The following KLHL8 variants were observed in gnomAD, a reference collection of about 807,000 sequenced individuals.
KLHL8 encodes the protein kelch-like protein 8.
A neutral mutation model predicts 63.5 loss-of-function variants in KLHL8; 38 were observed. The ratio of observed to expected loss-of-function variants is 0.60; its 90% CI spans 0.46 to 0.78. The LOEUF (loss-of-function observed/expected upper bound fraction) is 0.78. Among genes scored for constraint, KLHL8 ranks in the 30% least tolerant of loss-of-function variants. The pLI, the probability that KLHL8 is intolerant of heterozygous loss-of-function variation, is 0.00. For synonymous variants in KLHL8, 224 were observed against 254.3 expected, an observed-to-expected ratio of 0.88 and a Z score of 1.13; for missense variants, 566 against 752.4, an observed-to-expected ratio of 0.75 and a Z score of 2.90.
chr4:87,227,373 G>A (rs1229352528), intron 1 of KLHL8, among the ~76,000 whole-genome samples: 2 of 152,108 alleles, frequency 1.3e-5, no homozygotes, highest in East Asian at 1.9e-4. Context: ...GGGGCACCAC[G>A]GTTCATGCCT....
chr4:87,171,548 T>C (rs572957909), intron 6 of KLHL8, among the ~76,000 whole-genome samples: 209 of 152,346 alleles, frequency 1.4e-3, no homozygotes, highest in Non-Finnish European at 2.5e-3. Context: ...CCAAATACTG[T>C]GCTGATAAAA....
intron 1 of KLHL8, among the ~76,000 whole-genome samples, chr4:87,232,299 C>T (rs1370851320): frequency 1.3e-5 from 2 of 152,282 alleles, no homozygotes; most frequent in Non-Finnish European, 2.9e-5. Flanking sequence ...GTATCTTTCT[C>T]CAATCTGCTT....
At chr4:87,233,256 T>C (rs2110071747) in intron 1 of KLHL8, among the ~76,000 whole-genome samples, 1 of 152,288 alleles carries the variant, frequency 6.6e-6, no homozygotes, top group Non-Finnish European at 1.5e-5. Flanking sequence ...TTGCCCAGGC[T>C]GATCTCAAAC....
chr4:87,173,271 T>C (rs1730699905), intron 6 of KLHL8, among the ~76,000 whole-genome samples: 1 of 152,234 alleles, frequency 6.6e-6, no homozygotes, highest in African/African-American at 2.4e-5. Context: ...CTAATATTAT[T>C]GCCCTTATGT....
chr4:87,167,912 T>C (rs940133075), intron 8 of KLHL8, among the ~76,000 whole-genome samples: 2 of 152,356 alleles, frequency 1.3e-5, no homozygotes, highest in East Asian at 3.9e-4. Flanking sequence ...GGCAGCTTTA[T>C]ATAGCCACAC....
intron 7 of KLHL8, 63 bp from the exon 8 acceptor site, chr4:87,170,301 G>A: frequency 1.3e-6 from 2 of 1,518,226 alleles, no homozygotes; most frequent in Non-Finnish European, 8.9e-7. Context: ...TTGTTTTAAT[G>A]GTAAATTAGA....
At position 87,195,318 on chromosome 4, in the gene KLHL8, T is replaced by A. The variant is rs903201939; in HGVS notation, c.216+6A>T. On this transcript the variant is annotated splice_donor_region_variant and intron_variant, in intron 2 of 9. Coordinates refer to ENST00000273963, the MANE Select transcript of KLHL8 (RefSeq NM_020803.5). ...CCTGAGAAAAGTACAAAAAAGGCAA[T>A]CTCACCTTGAGTGTGACATCACAGA... 3.1e-6 allele frequency: 5 copies of A among 1,608,848 alleles called. No homozygotes were observed. In the South Asian group the frequency reaches 5.5e-5, roughly 18 times the overall value.
intron 1 of KLHL8, among the ~76,000 whole-genome samples, chr4:87,236,327 G>C (rs924779898): frequency 1.3e-5 from 2 of 151,424 alleles, no homozygotes; most frequent in Non-Finnish European, 2.9e-5. Context: ...TCCTGCCTCA[G>C]CCTCCTGAGT....
At chr4:87,164,919 G>C (rs191539735) in intron 8 of KLHL8, among the ~76,000 whole-genome samples, 2,718 of 151,894 alleles carry the variant, frequency 0.018, 73 homozygotes, top group African/African-American at 0.054. Context: ...GAGGCCAAGG[G>C]GGGCCGATCA....
intron 1 of KLHL8, among the ~76,000 whole-genome samples, chr4:87,236,663 C>CTT (rs34454982): frequency 0.26 from 28,994 of 110,312 alleles, 4,640 homozygotes; most frequent in East Asian, 0.57. Context: ...TGTACTGTGT[C>CTT]TTTTTTTTTT....
chr4:87,225,320 C>A (rs781054704), upstream of KLHL8, among the ~76,000 whole-genome samples: 4 of 152,136 alleles, frequency 2.6e-5, no homozygotes, highest in African/African-American at 4.8e-5. Flanking sequence ...ACTTAGTGAG[C>A]ATTTTAAGAA....
intron 1 of KLHL8, among the ~76,000 whole-genome samples, chr4:87,237,705 T>TG (rs1284822387): frequency 6.6e-6 from 1 of 152,134 alleles, no homozygotes; most frequent in African/African-American, 2.4e-5. Flanking sequence ...CATGCACCTG[T>TG]GGTCCCAGCT....
chr4:87,193,281 G>A (rs1731564786), intron 2 of KLHL8, among the ~76,000 whole-genome samples: 1 of 151,026 alleles, frequency 6.6e-6, no homozygotes, highest in Non-Finnish European at 1.5e-5. Flanking sequence ...AAACTTTTTT[G>A]TTAAAAACTA....
In KLHL8 at chr4:87,163,384, A is replaced by C. The variant is rs573168621; in HGVS notation, c.*135T>G. The C allele has an allele frequency of 5.0e-3, 3,954 of 786,246 alleles. 19 individuals are homozygous for C. Among genetic ancestry groups the C allele is most frequent in the Non-Finnish European group, 6.4e-3 (3,264 of 511,746 alleles). The allele number at this position is 786,246 out of a possible 1,614,324, so 48.7% of individuals were successfully genotyped here. A position where few individuals can be genotyped will look rare whatever the true frequency, so the allele number is the denominator to read the frequency against. On this transcript the variant is annotated 3_prime_UTR_variant, in exon 10 of 10. Transcript: ENST00000273963. ...AGGTATCATTCCAAAAGTTGTACTTAGTCACAATACAACAGTTAACATTTA... is the reference window on the plus strand; with the variant it reads ...AGGTATCATTCCAAAAGTTGTACTTCGTCACAATACAACAGTTAACATTTA...
At chr4:87,165,668 A>T (rs1167765609) in intron 8 of KLHL8, among the ~76,000 whole-genome samples, 1 of 151,978 alleles carries the variant, frequency 6.6e-6, no homozygotes, top group Non-Finnish European at 1.5e-5. Context: ...AAGTGCTGGG[A>T]TTACAGGGGT....
intron 1 of KLHL8, among the ~76,000 whole-genome samples, chr4:87,230,998 C>T (rs1181417761): frequency 6.6e-6 from 1 of 152,152 alleles, no homozygotes; most frequent in Non-Finnish European, 1.5e-5. Flanking sequence ...AATGTCCAGC[C>T]CTTCACCTGG....
At chr4:87,224,362 CA>C (rs1212047110), upstream of KLHL8, among the ~76,000 whole-genome samples, 2 of 152,126 alleles carry the variant, frequency 1.3e-5, no homozygotes, top group Non-Finnish European at 2.9e-5. Context: ...ATGACAGAGC[CA>C]GACAATTTTT....
chr4:87,204,819 GTATGAC>G (rs1417390376), intron 1 of KLHL8, among the ~76,000 whole-genome samples: 1 of 152,198 alleles, frequency 6.6e-6, no homozygotes, highest in Non-Finnish European at 1.5e-5. Context: ...CAGGGAAAGA[GTATGAC>G]TAAAAGGAGA....
intron 1 of KLHL8, among the ~76,000 whole-genome samples, chr4:87,229,539 C>G (rs1227832436): frequency 1.3e-5 from 2 of 150,646 alleles, no homozygotes; most frequent in Non-Finnish European, 2.9e-5. Context: ...TCAAGCCATT[C>G]TCCTACCTCA....
Sources: gnomAD v4.1 joint callset for allele counts (sites outside exome capture counted in the v4.1 genomes callset) on GRCh38, gnomAD v4.1.1 for gene constraint, MANE v1.5 for transcripts, NCBI Gene and HGNC (gene_info 2026-07-23, HGNC 2026-07-21) for gene names.